PCDHGA5: variants seen among roughly 807,000 people sequenced by gnomAD.
PCDHGA5 encodes the protein protocadherin gamma subfamily A, 5.
In PCDHGA5, 36 loss-of-function variants were observed where a neutral mutation model predicts 56.7. That is an observed-to-expected ratio of 0.64 (90% CI 0.49 to 0.84). The LOEUF (loss-of-function observed/expected upper bound fraction) is 0.84, where lower values mean the gene tolerates loss of function less well. PCDHGA5 is among the 40% of genes least tolerant of loss of function. The pLI is 0.00. For missense variants in PCDHGA5, 1,305 were observed against 1,201.5 expected (o/e 1.09, Z -1.27); for synonymous variants, 563 against 520.2 (o/e 1.08, Z -1.12).
In PCDHGA5 at chr5:141,392,927, G is replaced by C. The variant is rs758960557; in HGVS notation, c.2421+26176G>C. The C allele has an allele frequency of 5.6e-6, 9 of 1,613,832 alleles. No homozygotes were observed. In the East Asian group the frequency reaches 2.0e-4, roughly 36 times the overall value. On this transcript the variant is annotated intron_variant, in intron 1 of 3. Coordinates refer to ENST00000518069, the MANE Select transcript of PCDHGA5 (RefSeq NM_018918.3). Reference sequence around the variant, plus strand: ...AGATTCGCTACTCTGTGCCAGAAGAGACGGACAAAGGCTCCTTCGTGGGTA... The same window carrying C: ...AGATTCGCTACTCTGTGCCAGAAGACACGGACAAAGGCTCCTTCGTGGGTA...
intron 1 of PCDHGA5, chr5:141,370,267 C>G (rs960781969): frequency 3.9e-6 from 3 of 767,522 alleles, no homozygotes; most frequent in Non-Finnish European, 6.1e-6. Flanking sequence ...CTTCCTGCAG[C>G]GGAGACACCC....
intron 1 of PCDHGA5, chr5:141,419,137 CAG>C (rs1561778402): frequency 1.2e-6 from 2 of 1,613,892 alleles, no homozygotes; most frequent in South Asian, 1.1e-5. Context: ...CAGCCACAGA[CAG>C]GGGCAAGCCT....
Position 141,385,038 on chromosome 5 carries a change from G to A in PCDHGA5, c.2421+18287G>A, listed in dbSNP as rs377185831. The A allele has an allele frequency of 7.4e-6, 12 of 1,614,020 alleles. No individual in the cohort carries two copies. The African/African-American group carries it at 1.2e-4, about 16-fold the overall frequency. On this transcript the variant is annotated intron_variant, in intron 1 of 3. Transcript: ENST00000518069. ...TAGCCTTCGTCCTCGTACTGCTGGC[G>A]CTCAGGCTGCGGCGCTGGCACAAGT...
intron 1 of PCDHGA5, chr5:141,414,096 A>G (rs2095708665): frequency 1.9e-6 from 3 of 1,595,210 alleles, no homozygotes; most frequent in Middle Eastern, 3.3e-4. Context: ...AAATAAAAAT[A>G]TCAGAAAATC....
Position 141,511,508 on chromosome 5 carries a change from C to T in PCDHGA5, c.*335C>T, listed in dbSNP as rs1339517659. 7.8e-6 allele frequency: 3 copies of T among 385,970 alleles called. No individual in the cohort carries two copies. Among genetic ancestry groups the T allele is most frequent in the Non-Finnish European group, 1.5e-5 (3 of 206,164 alleles). The allele number at this position is 385,970 out of a possible 1,614,324, so 23.9% of individuals were successfully genotyped here. Reference sequence around the variant, plus strand: ...TCCTCCATCTTCCAAATCAATCAGGCCCATCCATCCCATGCCTCCCTCCTC... The same window carrying T: ...TCCTCCATCTTCCAAATCAATCAGGTCCATCCATCCCATGCCTCCCTCCTC... On this transcript the variant is annotated 3_prime_UTR_variant, in exon 4 of 4. Coordinates refer to ENST00000518069, the MANE Select transcript of PCDHGA5 (RefSeq NM_018918.3).
At position 141,490,745 on chromosome 5, in the gene PCDHGA5, C is replaced by A. The variant is rs769031787; in HGVS notation, c.2422-4062C>A. 1 of 1,614,238 alleles carries A rather than the reference C, an allele frequency of 6.2e-7. No homozygotes were observed. Among genetic ancestry groups the A allele is most frequent in the Non-Finnish European group, 8.5e-7 (1 of 1,180,042 alleles). ...GTAGGAAATCAGGTTCAGGGAGCCCCAGCCTCCTCCTTTGTGTATGTCAAC... is the reference window on the plus strand; with the variant it reads ...GTAGGAAATCAGGTTCAGGGAGCCCAAGCCTCCTCCTTTGTGTATGTCAAC... On this transcript the variant is annotated intron_variant, in intron 1 of 3. Transcript: ENST00000518069. The surrounding 1 kb of genome is among the most constrained non-coding windows in gnomAD (Gnocchi z 5.4).
chr5:141,469,853 G>A (rs549678022), intron 1 of PCDHGA5, among the ~76,000 whole-genome samples: 5 of 152,270 alleles, frequency 3.3e-5, no homozygotes, highest in South Asian at 2.1e-4. Context: ...GATTCAGACC[G>A]GGTGCAATGG....
At chr5:141,368,160 C>T (rs1017595982) in intron 1 of PCDHGA5, among the ~76,000 whole-genome samples, 1 of 152,084 alleles carries the variant, frequency 6.6e-6, no homozygotes, top group Non-Finnish European at 1.5e-5. Context: ...AAACCTTGAG[C>T]ATCAGCTTCA....
At chr5:141,392,864 C>T (rs1328545217) in intron 1 of PCDHGA5, 2 of 1,612,536 alleles carry the variant, frequency 1.2e-6, no homozygotes, top group Non-Finnish European at 1.7e-6. Context: ...TCCTGCTGTG[C>T]GCGCTGCTGG....
chr5:141,414,463 G>T, intron 1 of PCDHGA5: 1 of 1,613,932 alleles, frequency 6.2e-7, no homozygotes. Flanking sequence ...GACAGCCACA[G>T]ATGGGGGAAG....
intron 1 of PCDHGA5, chr5:141,426,438 G>A (rs567163831): frequency 4.7e-5 from 14 of 300,110 alleles, no homozygotes; most frequent in Admixed American, 1.7e-4. Context: ...GGAACCTTGC[G>A]GAGGACATGC....
Position 141,381,340 on chromosome 5 carries a change from T to C in PCDHGA5, c.2421+14589T>C, listed in dbSNP as rs1777123842. 2.0e-5 allele frequency among the ~76,000 whole-genome samples: 3 copies of C among 152,250 alleles called. No homozygotes were observed. The South Asian group carries it at 6.2e-4, about 31-fold the overall frequency. On this transcript the variant is annotated intron_variant, in intron 1 of 3. Transcript: ENST00000518069. ...CTGCAACTATGTGAAAGGAGCTTTC[T>C]TTTCTTTCTGCTAGCAGAGGGTAGC...
At chr5:141,418,068 C>T (rs1292846589) in intron 1 of PCDHGA5, 4 of 1,614,002 alleles carry the variant, frequency 2.5e-6, no homozygotes, top group Non-Finnish European at 3.4e-6. Flanking sequence ...CGAGTGAGCG[C>T]GGAGAAGCTG....
At chr5:141,413,396 G>A in intron 1 of PCDHGA5, 1 of 1,614,060 alleles carries the variant, frequency 6.2e-7, no homozygotes, top group Non-Finnish European at 8.5e-7. Flanking sequence ...GTCTCCAGAG[G>A]TAGGACGCAG....
chr5:141,394,724 G>T, intron 1 of PCDHGA5: 1 of 1,613,380 alleles, frequency 6.2e-7, no homozygotes, highest in Non-Finnish European at 8.5e-7. Flanking sequence ...ACAGAGATGC[G>T]CTCAAGCAGA....
chr5:141,496,342 G>A (rs1430202202), intron 2 of PCDHGA5, among the ~76,000 whole-genome samples: 1 of 152,208 alleles, frequency 6.6e-6, no homozygotes, highest in East Asian at 1.9e-4. Context: ...GAGCCTGGAG[G>A]AGTCTCAGAG....
rs773470378 is a variant in PCDHGA5 at position 141,365,015 on chromosome 5, C to T, written c.685C>T (p.Arg229Cys). ...DPVLSGTTHI[R>C]VTVLDANDNA... ...GGTACTCTCCGGCACCACGCACATC[C>T]GTGTTACGGTCCTCGACGCAAACGA... The change falls in exon 1 of 4, where the codon CGT becomes TGT. Residue 229 changes from arginine (R) to cysteine (C), a missense_variant. Arg to Cys is a radical substitution (Grantham distance 180). Coordinates refer to ENST00000518069, the MANE Select transcript of PCDHGA5 (RefSeq NM_018918.3). 2 of 1,613,786 alleles carry T rather than the reference C, an allele frequency of 1.2e-6. No individual in the cohort carries two copies. The highest frequency in any genetic ancestry group is 3.3e-5 in the Admixed American group (2 of 60,012).
intron 1 of PCDHGA5, chr5:141,367,597 T>C (rs561845144): frequency 7.2e-5 from 11 of 152,152 alleles, no homozygotes; most frequent in African/African-American, 2.6e-4. Context: ...ATAAAATTTA[T>C]ATTAATGATA....
At chr5:141,421,565 A>G (rs1373619696) in intron 1 of PCDHGA5, 1 of 1,613,952 alleles carries the variant, frequency 6.2e-7, no homozygotes, top group Admixed American at 1.7e-5. Context: ...CTCGTGGAAG[A>G]CACCTTGAAG....
Sources: allele counts gnomAD v4.1 joint callset (sites outside exome capture counted in the v4.1 genomes callset), GRCh38; gene constraint gnomAD v4.1.1; non-coding constraint Gnocchi (gnomAD v3.1); transcripts MANE v1.5; gene names NCBI Gene and HGNC (gene_info 2026-07-23, HGNC 2026-07-21).